Variants in ANXA5 observed in about 807,000 individuals in gnomAD.
ANXA5 encodes annexin A5.
ANXA5 carries 40 observed loss-of-function variants against 48.1 expected under a neutral mutation model. The ratio of observed to expected loss-of-function variants is 0.83; its 90% confidence interval spans 0.65 to 1.08. The LOEUF is 1.08. Among genes scored for constraint, ANXA5 ranks in the 50% least tolerant of loss-of-function variants. The probability of loss-of-function intolerance (pLI) is 0.00; values close to 1 mark genes in which losing one functional copy is unlikely to be tolerated. For missense variants in ANXA5, 357 were observed against 376.8 expected, an observed-to-expected ratio of 0.95 and a Z score of 0.44; for synonymous variants, 113 against 129.1, an observed-to-expected ratio of 0.88 and a Z score of 0.85.
chr4:121,695,345 T>C (rs1289476293), intron 2 of ANXA5, among the ~76,000 whole-genome samples: 2 of 152,234 alleles, frequency 1.3e-5, no homozygotes, highest in Non-Finnish European at 2.9e-5. Context: ...AATCCTCCCA[T>C]TTTCACTTGG....
At chr4:121,679,142 TTAA>T (rs1380668265) in intron 6 of ANXA5, among the ~76,000 whole-genome samples, 1 of 152,098 alleles carries the variant, frequency 6.6e-6, no homozygotes, top group African/African-American at 2.4e-5. Flanking sequence ...ATTTAAATAT[TTAA>T]TTATTATGCA....
intron 3 of ANXA5, among the ~76,000 whole-genome samples, chr4:121,685,916 T>C (rs1301498680): frequency 3.9e-5 from 6 of 152,204 alleles, no homozygotes; most frequent in African/African-American, 1.4e-4. Context: ...AGGGATGGTT[T>C]ATAGCAAGCT....
intron 3 of ANXA5, 111 bp from the exon 4 acceptor site, chr4:121,684,882 T>C (rs1035016791): frequency 1.3e-6 from 1 of 773,490 alleles, no homozygotes; most frequent in African/African-American, 1.7e-5. Context: ...CCTATGCGAA[T>C]ATAAAATATA....
intron 2 of ANXA5, among the ~76,000 whole-genome samples, chr4:121,687,125 T>C (rs766517842): frequency 5.9e-5 from 9 of 151,776 alleles, no homozygotes; most frequent in Admixed American, 3.9e-4. Context: ...GGCTAACACG[T>C]TGAAACCCCA....
At chr4:121,694,139 G>A (rs1304010860) in intron 2 of ANXA5, among the ~76,000 whole-genome samples, 2 of 149,338 alleles carry the variant, frequency 1.3e-5, no homozygotes, top group Admixed American at 1.4e-4. Flanking sequence ...AGGAGATACA[G>A]CTAATGTAAA....
rs115348497 is a variant in ANXA5, at chr4:121,674,532, T to C, written c.532-1906A>G. Among the ~76,000 whole-genome samples, 277 of 152,294 alleles carry C rather than the reference T, an allele frequency of 1.8e-3. 1 individual carries two copies. The highest frequency in any genetic ancestry group is 6.4e-3 in the African/African-American group (264 of 41,570). On this transcript the variant is annotated intron_variant, in intron 8 of 12. Coordinates refer to ENST00000296511, the MANE Select transcript of ANXA5 (RefSeq NM_001154.4). Reference sequence around the variant, plus strand: ...ATTGATGCACACACTTCTTATCAACTGTTTTAAATGTCTAGAAATGTTCTC... The same window carrying C: ...ATTGATGCACACACTTCTTATCAACCGTTTTAAATGTCTAGAAATGTTCTC...
intron 5 of ANXA5, among the ~76,000 whole-genome samples, chr4:121,682,926 A>G (rs552642738): frequency 2.6e-4 from 40 of 152,292 alleles, no homozygotes; most frequent in Middle Eastern, 6.8e-3. Flanking sequence ...GGCAGGAAAG[A>G]AGGAAAGAGT....
intron 2 of ANXA5, among the ~76,000 whole-genome samples, chr4:121,695,193 G>A (rs1184743015): frequency 6.6e-6 from 1 of 152,170 alleles, no homozygotes; most frequent in Non-Finnish European, 1.5e-5. Flanking sequence ...CCACATAAAA[G>A]TATCCTTTCT....
At chr4:121,696,440 A>G in intron 2 of ANXA5, 141 bp downstream of exon 2, 1 of 790,666 alleles carries the variant, frequency 1.3e-6, no homozygotes. Flanking sequence ...AAGGGGGAAC[A>G]AGAAAAGTGG....
chr4:121,687,065 G>A (rs1048535615), intron 2 of ANXA5, among the ~76,000 whole-genome samples: 1 of 152,136 alleles, frequency 6.6e-6, no homozygotes, highest in African/African-American at 2.4e-5. Flanking sequence ...CCAACACTTT[G>A]GGAGGCTGAG....
chr4:121,678,924 A>G (rs78079231), intron 6 of ANXA5, among the ~76,000 whole-genome samples: 6 of 138,228 alleles, frequency 4.3e-5, no homozygotes, highest in African/African-American at 1.5e-4. Context: ...CATCACTCCT[A>G]ATAAGGTATT....
At chr4:121,691,059 T>C (rs1724975526) in intron 2 of ANXA5, among the ~76,000 whole-genome samples, 1 of 152,196 alleles carries the variant, frequency 6.6e-6, no homozygotes, top group South Asian at 2.1e-4. Context: ...CCCCACACTT[T>C]ACCCAGATTA....
intron 6 of ANXA5, among the ~76,000 whole-genome samples, chr4:121,680,998 A>G (rs1022241768): frequency 6.6e-6 from 1 of 152,166 alleles, no homozygotes; most frequent in Non-Finnish European, 1.5e-5. Context: ...GAGCTGAGAA[A>G]CTGGATAGTC....
intron 2 of ANXA5, among the ~76,000 whole-genome samples, chr4:121,690,925 G>C (rs114678898): frequency 0.011 from 1,650 of 152,314 alleles, 27 homozygotes; most frequent in African/African-American, 0.037. Context: ...TCAGAGAAAT[G>C]AGTAAGAAGG....
chr4:121,690,935 G>C (rs185570213), intron 2 of ANXA5, among the ~76,000 whole-genome samples: 1 of 152,206 alleles, frequency 6.6e-6, no homozygotes, highest in Non-Finnish European at 1.5e-5. Flanking sequence ...GAGTAAGAAG[G>C]GCAGAACCCT....
chr4:121,681,822 G>A, intron 5 of ANXA5, 61 bp from the exon 6 acceptor site: 1 of 1,232,648 alleles, frequency 8.1e-7, no homozygotes, highest in East Asian at 2.4e-5. Flanking sequence ...GTTATTAAAA[G>A]AAAGTTATAG....
intron 2 of ANXA5, among the ~76,000 whole-genome samples, chr4:121,694,180 T>C (rs1361011931): frequency 1.3e-5 from 2 of 150,700 alleles, no homozygotes; most frequent in Non-Finnish European, 2.9e-5. Context: ...CACACCAACA[T>C]GGCACCATGT....
At chr4:121,686,788 C>T (rs899875246) in intron 2 of ANXA5, among the ~76,000 whole-genome samples, 2 of 152,252 alleles carry the variant, frequency 1.3e-5, no homozygotes, top group Non-Finnish European at 2.9e-5. Context: ...TTGTTACGTG[C>T]CTTTTGATCT....
intron 5 of ANXA5, 119 bp from the exon 6 acceptor site, chr4:121,681,880 G>T: frequency 4.8e-6 from 3 of 618,640 alleles, no homozygotes; most frequent in South Asian, 2.4e-5. Context: ...AGTATAACAT[G>T]GATTTCTTTG....
Sources: allele counts gnomAD v4.1 joint callset (sites outside exome capture counted in the v4.1 genomes callset), GRCh38; gene constraint gnomAD v4.1.1; transcripts MANE v1.5; gene names NCBI Gene and HGNC (gene_info 2026-07-23, HGNC 2026-07-21).